DLG4: variants seen among roughly 807,000 people sequenced by gnomAD.
DLG4 encodes discs large MAGUK scaffold protein 4.
In DLG4, 7 loss-of-function variants were observed where a neutral mutation model predicts 93.8. The observed-to-expected ratio is 0.07, with a 90% CI of 0.04 to 0.14. The LOEUF is 0.14. Ranked by LOEUF, DLG4 falls within the 10% of genes least tolerant of loss-of-function variation. DLG4 has a pLI of 1.00. For missense variants in DLG4, 545 were observed against 992.9 expected (o/e 0.55, Z 6.06); for synonymous variants, 341 against 387.6 (o/e 0.88, Z 1.41).
chr17:7,210,328 T>A (rs1200769472), intron 1 of DLG4, among the ~76,000 whole-genome samples: 1 of 151,990 alleles, frequency 6.6e-6, no homozygotes, highest in Non-Finnish European at 1.5e-5. Flanking sequence ...CAGAGACAAC[T>A]CAAATCAAGA....
chr17:7,206,730 A>G (rs2070482561), intron 2 of DLG4, among the ~76,000 whole-genome samples: 1 of 152,042 alleles, frequency 6.6e-6, no homozygotes, highest in African/African-American at 2.4e-5. Context: ...CCCCTGACCC[A>G]GGACCTCTTA....
chr17:7,211,609 G>T, intron 1 of DLG4: 4 of 803,522 alleles, frequency 5.0e-6, no homozygotes, highest in Non-Finnish European at 6.0e-6. Context: ...TGATATTTGC[G>T]GGGGTCCGGG....
upstream of DLG4, chr17:7,217,860 G>A (rs1310507949): frequency 6.6e-7 from 1 of 1,521,034 alleles, no homozygotes; most frequent in African/African-American, 1.4e-5. Flanking sequence ...CTATAGTTGG[G>A]CTGGGAGCAC....
In DLG4 at chr17:7,194,191, G is replaced by A; in HGVS notation, c.1478+128C>T. On this transcript the variant is annotated intron_variant, in intron 12 of 19. Coordinates refer to ENST00000399506, the MANE Select transcript of DLG4 (RefSeq NM_001321075.3). The surrounding 1 kb of genome is among the most constrained non-coding windows in gnomAD (Gnocchi z 4.4). The stretch of plus-strand genomic sequence containing the variant: ...AGGCTCATGGGAGCCACGGACCCCA[G>A]GAGGGCCCAACAGACAAACCCCTAG... The A allele has an allele frequency of 3.6e-6, 5 of 1,370,584 alleles. No homozygotes were observed. In the South Asian group the frequency reaches 5.7e-5, roughly 16 times the overall value. 84.9% of individuals were successfully genotyped at this position (1,370,584 alleles called of 1,614,324 possible). A position where few individuals can be genotyped will look rare whatever the true frequency, so the allele number is the denominator to read the frequency against.
At position 7,190,475 on chromosome 17, in the gene DLG4, G is replaced by A; in HGVS notation, c.*233C>T. The A allele has an allele frequency of 1.8e-6, 1 of 545,730 alleles. No homozygotes were observed. Among genetic ancestry groups the A allele is most frequent in the Non-Finnish European group, 3.3e-6 (1 of 303,472 alleles). The allele number at this position is 545,730 out of a possible 1,614,324, so 33.8% of individuals were successfully genotyped here. On this transcript the variant is annotated 3_prime_UTR_variant, in exon 20 of 20. Coordinates refer to ENST00000399506, the MANE Select transcript of DLG4 (RefSeq NM_001321075.3). ...AAGGAGCAAGGGCTCGGAACAAGGA[G>A]CCCAGCTCCCCCCCAGACCCCAGGT...
At chr17:7,214,642 C>G (rs532548049) in intron 1 of DLG4, among the ~76,000 whole-genome samples, 3 of 152,360 alleles carry the variant, frequency 2.0e-5, no homozygotes, top group Non-Finnish European at 4.4e-5. Flanking sequence ...TCCCCACCCC[C>G]ACTTGTTCTG....
At chr17:7,200,324 C>G (rs2070051638) in intron 8 of DLG4, among the ~76,000 whole-genome samples, 1 of 152,176 alleles carries the variant, frequency 6.6e-6, no homozygotes, top group Non-Finnish European at 1.5e-5. Context: ...CATCCAGAGA[C>G]ACGGTGTGAC....
At chr17:7,202,418 A>G (rs1409096476) in intron 8 of DLG4, among the ~76,000 whole-genome samples, 1 of 152,180 alleles carries the variant, frequency 6.6e-6, no homozygotes, top group Non-Finnish European at 1.5e-5. Context: ...ATATTGAGCC[A>G]TCTTTAGTTT....
chr17:7,211,535 A>C, intron 1 of DLG4: 11 of 215,786 alleles, frequency 5.1e-5, no homozygotes, highest in Non-Finnish European at 7.8e-5. Flanking sequence ...GTCCACGAGA[A>C]GTTGCAACCC....
upstream of DLG4, chr17:7,217,760 C>T: frequency 1.3e-6 from 2 of 1,535,212 alleles, no homozygotes; most frequent in Non-Finnish European, 1.7e-6. Context: ...AGCACAGAGG[C>T]CCCTGAGGCA....
At chr17:7,197,231 T>G (rs1160119491) in intron 8 of DLG4, among the ~76,000 whole-genome samples, 179 bp from the exon 9 acceptor site, 1 of 152,028 alleles carries the variant, frequency 6.6e-6, no homozygotes, top group Non-Finnish European at 1.5e-5. Flanking sequence ...GTCAGGAATT[T>G]ATAGGTGACA....
At chr17:7,192,181 T>C in intron 17 of DLG4, 179 bp from the exon 18 acceptor site, 1 of 441,528 alleles carries the variant, frequency 2.3e-6, no homozygotes, top group Non-Finnish European at 4.0e-6. Flanking sequence ...ATGGACAGAG[T>C]AAAAGACAGA....
upstream of DLG4, chr17:7,219,468 G>C (rs886795203): frequency 1.9e-6 from 2 of 1,036,606 alleles, no homozygotes; most frequent in Non-Finnish European, 2.3e-6. Context: ...AATACACTTA[G>C]GGTACTCACA....
At chr17:7,202,627 G>A (rs1435461104) in intron 8 of DLG4, 3 of 523,408 alleles carry the variant, frequency 5.7e-6, no homozygotes, top group Non-Finnish European at 1.0e-5. Context: ...CTCTGGAAGA[G>A]CAGAAGAATT....
chr17:7,214,570 G>C (rs1416798497), intron 1 of DLG4, among the ~76,000 whole-genome samples: 2 of 152,332 alleles, frequency 1.3e-5, no homozygotes, highest in East Asian at 3.9e-4. Flanking sequence ...GGACCACCCG[G>C]AGGGTTTAAC....
chr17:7,192,041 T>G (rs1597439408), intron 17 of DLG4, 39 bp from the exon 18 acceptor site: 11 of 1,208,950 alleles, frequency 9.1e-6, no homozygotes, highest in South Asian at 2.0e-5. Context: ...GGCCAGCGGG[T>G]GGCGAGAAAG....
chr17:7,214,463 C>T (rs1160195373), intron 1 of DLG4, among the ~76,000 whole-genome samples: 3 of 152,216 alleles, frequency 2.0e-5, no homozygotes, highest in Non-Finnish European at 4.4e-5. Flanking sequence ...CTCCCCCTGC[C>T]TCGCCCACAC....
chr17:7,217,460 G>A lies in DLG4; in HGVS notation c.-313C>T. 2.8e-6 allele frequency: 1 copy of A among 356,350 alleles called. No individual in the cohort carries two copies. The highest frequency in any genetic ancestry group is 4.9e-6 in the Non-Finnish European group (1 of 204,886). 22.1% of individuals were successfully genotyped at this position (356,350 alleles called of 1,614,324 possible). A position where few individuals can be genotyped will look rare whatever the true frequency, so the allele number is the denominator to read the frequency against. Reference sequence around the variant, plus strand: ...CCCCGGAGTTCGGGGGCTGGGGCATGAGCTGGGGTGGGGGAGGGGAACTGG... The same window carrying A: ...CCCCGGAGTTCGGGGGCTGGGGCATAAGCTGGGGTGGGGGAGGGGAACTGG... On this transcript the variant is annotated 5_prime_UTR_variant, in exon 1 of 20. Coordinates refer to ENST00000399506, the MANE Select transcript of DLG4 (RefSeq NM_001321075.3).
intron 1 of DLG4, among the ~76,000 whole-genome samples, chr17:7,213,420 C>T (rs1384433198): frequency 6.6e-6 from 1 of 152,048 alleles, no homozygotes; most frequent in Non-Finnish European, 1.5e-5. Context: ...TTTTCTTTAC[C>T]CCTGAGGTTC....
Sources: gnomAD v4.1 joint callset for allele counts (sites outside exome capture counted in the v4.1 genomes callset) on GRCh38, gnomAD v4.1.1 for gene constraint, Gnocchi (gnomAD v3.1) non-coding constraint, MANE v1.5 for transcripts, NCBI Gene and HGNC (gene_info 2026-07-23, HGNC 2026-07-21) for gene names.